The following CDH13 variants were observed in gnomAD, a reference collection of about 807,000 sequenced individuals.
The protein encoded by CDH13 is cadherin 13.
Under a neutral mutation model 63.8 loss-of-function variants are expected in CDH13, and 24 were observed. The observed-to-expected ratio is 0.38, with a 90% CI of 0.27 to 0.53. The LOEUF (loss-of-function observed/expected upper bound fraction) is 0.53. Among genes scored for constraint, CDH13 ranks in the 20% least tolerant of loss-of-function variants. The pLI, the probability that CDH13 is intolerant of heterozygous loss-of-function variation, is 0.85. For synonymous variants in CDH13, 503 were observed against 355.3 expected, an observed-to-expected ratio of 1.42 and a Z score of -4.67; for missense variants, 1,049 against 903.1, an observed-to-expected ratio of 1.16 and a Z score of -2.07.
chr16:83,044,515 G>C (rs530099182), intron 3 of CDH13, among the ~76,000 whole-genome samples: 1 of 152,296 alleles, frequency 6.6e-6, no homozygotes, highest in East Asian at 1.9e-4. Context: ...TGTGGAAACA[G>C]CACGAGGTGT....
At chr16:82,674,110 A>G (rs1433207146) in intron 1 of CDH13, among the ~76,000 whole-genome samples, 2 of 152,154 alleles carry the variant, frequency 1.3e-5, no homozygotes, top group African/African-American at 4.8e-5. Context: ...GCAGTCTTGA[A>G]ATTCTTGATA....
intron 6 of CDH13, among the ~76,000 whole-genome samples, chr16:83,414,537 T>C (rs2092172474): frequency 2.6e-5 from 4 of 152,188 alleles, no homozygotes; most frequent in African/African-American, 9.6e-5. Context: ...TCTTGTTTAA[T>C]TGAAACTTTA....
At chr16:82,867,127 A>C (rs895699655) in intron 2 of CDH13, among the ~76,000 whole-genome samples, 4 of 152,204 alleles carry the variant, frequency 2.6e-5, no homozygotes, top group African/African-American at 9.6e-5. Context: ...AGGTACTCTC[A>C]TCTGCCCATT....
intron 4 of CDH13, among the ~76,000 whole-genome samples, chr16:83,202,239 G>T (rs1411302985): frequency 2.6e-5 from 4 of 152,146 alleles, no homozygotes; most frequent in Non-Finnish European, 5.9e-5. Flanking sequence ...GGCAGCCCGG[G>T]ACTGACATAG....
intron 11 of CDH13, among the ~76,000 whole-genome samples, chr16:83,770,320 T>A (rs541051491): frequency 6.6e-6 from 1 of 152,324 alleles, no homozygotes; most frequent in South Asian, 2.1e-4. Flanking sequence ...CTGGCTCTTA[T>A]GGACGGGGAA....
At chr16:83,518,160 T>C (rs192034381) in intron 7 of CDH13, among the ~76,000 whole-genome samples, 2 of 103,304 alleles carry the variant, frequency 1.9e-5, no homozygotes, top group Non-Finnish European at 3.9e-5. Flanking sequence ...GTTTTGTTTT[T>C]TTGAGATGGA....
At chr16:82,867,819 A>C (rs902042930) in intron 2 of CDH13, among the ~76,000 whole-genome samples, 1 of 152,224 alleles carries the variant, frequency 6.6e-6, no homozygotes, top group Non-Finnish European at 1.5e-5. Context: ...TGTGGATAGT[A>C]ATAAATGGAT....
rs953972105 is a variant in CDH13 at position 82,644,310 on chromosome 16, GC to G, written c.45+17179del. ...AGTGCTCATCACTCTGCAAATCAAGGCCCCCCGAACTCCTCCCACCCCTGCC... is the reference window on the plus strand; with the variant it reads ...AGTGCTCATCACTCTGCAAATCAAGGCCCCCGAACTCCTCCCACCCCTGCC... On this transcript the variant is annotated intron_variant, in intron 1 of 13. Coordinates refer to ENST00000567109, the MANE Select transcript of CDH13 (RefSeq NM_001257.5). This position sits in a 1 kb window ranked among gnomAD's most constrained non-coding sequence, Gnocchi z 5.7. Among the ~76,000 whole-genome samples the G allele has an allele frequency of 2.6e-5, 4 of 151,904 alleles. No homozygotes were observed. The highest frequency in any genetic ancestry group is 1.9e-4 in the East Asian group (1 of 5,168).
At chr16:82,919,560 A>G (rs1271835214) in intron 2 of CDH13, among the ~76,000 whole-genome samples, 1 of 152,226 alleles carries the variant, frequency 6.6e-6, no homozygotes, top group Non-Finnish European at 1.5e-5. Context: ...CTATGGCTGC[A>G]TAATACTCCA....
At chr16:83,582,333 T>C (rs1027965976) in intron 7 of CDH13, among the ~76,000 whole-genome samples, 1 of 152,074 alleles carries the variant, frequency 6.6e-6, no homozygotes, top group Non-Finnish European at 1.5e-5. Flanking sequence ...TGAAAAAATA[T>C]GTATGTTTTA....
At chr16:83,320,533 C>T (rs1009749877) in intron 5 of CDH13, among the ~76,000 whole-genome samples, 1 of 152,116 alleles carries the variant, frequency 6.6e-6, no homozygotes, top group African/African-American at 2.4e-5. Context: ...ATCAGATAAT[C>T]GTCTAAAAAT....
chr16:83,117,519 C>A (rs2035363549), intron 3 of CDH13, among the ~76,000 whole-genome samples: 1 of 152,104 alleles, frequency 6.6e-6, no homozygotes, highest in African/African-American at 2.4e-5. Context: ...CATATGTGTT[C>A]TCTTTCCCTT....
chr16:82,886,366 C>T (rs1164650502), intron 2 of CDH13, among the ~76,000 whole-genome samples: 2 of 152,122 alleles, frequency 1.3e-5, no homozygotes, highest in East Asian at 1.9e-4. Flanking sequence ...TTTTGATGGC[C>T]AGGTTTTCTG....
chr16:82,978,606 G>C (rs183711235), intron 2 of CDH13, among the ~76,000 whole-genome samples: 1 of 152,358 alleles, frequency 6.6e-6, no homozygotes, highest in East Asian at 1.9e-4. Flanking sequence ...AGCCTTGGCA[G>C]CTTCCACATA....
intron 2 of CDH13, among the ~76,000 whole-genome samples, chr16:82,868,589 G>A (rs899775322): frequency 6.6e-6 from 1 of 152,150 alleles, no homozygotes; most frequent in Non-Finnish European, 1.5e-5. Context: ...CTTCTCAGAC[G>A]AGGAACATGA....
Position 83,004,185 on chromosome 16 carries a change from C to T in CDH13, c.158-27825C>T, listed in dbSNP as rs114874000. Among the ~76,000 whole-genome samples, 241 of 152,250 alleles carry T rather than the reference C, an allele frequency of 1.6e-3. 1 individual carries two copies. The highest frequency in any genetic ancestry group is 5.2e-3 in the African/African-American group (217 of 41,550). On this transcript the variant is annotated intron_variant, in intron 2 of 13. Transcript: ENST00000567109. Reference sequence around the variant, plus strand: ...GGCCAGCTGAATCCCATTCCTTATACCGTGAGTATCTGTGTTCCCTTGCAG... The same window carrying T: ...GGCCAGCTGAATCCCATTCCTTATATCGTGAGTATCTGTGTTCCCTTGCAG...
intron 6 of CDH13, among the ~76,000 whole-genome samples, chr16:83,351,675 G>C (rs1357967057): frequency 6.6e-6 from 1 of 152,118 alleles, no homozygotes; most frequent in Non-Finnish European, 1.5e-5. Flanking sequence ...CATCAATTCT[G>C]CAGAAGAGAG....
At chr16:82,898,692 G>T (rs1218547783) in intron 2 of CDH13, among the ~76,000 whole-genome samples, 1 of 152,164 alleles carries the variant, frequency 6.6e-6, no homozygotes, top group African/African-American at 2.4e-5. Context: ...CCTGGGCCTT[G>T]ATGAGAGCAC....
intron 7 of CDH13, among the ~76,000 whole-genome samples, chr16:83,505,989 T>C (rs1387379): frequency 0.71 from 108,388 of 152,028 alleles, 39,764 homozygotes; most frequent in East Asian, 0.89. Flanking sequence ...TCACAGGGAG[T>C]ATTTACTTTC....
Sources: allele counts gnomAD v4.1 joint callset (sites outside exome capture counted in the v4.1 genomes callset), GRCh38; gene constraint gnomAD v4.1.1; non-coding constraint Gnocchi (gnomAD v3.1); transcripts MANE v1.5; gene names NCBI Gene and HGNC (gene_info 2026-07-23, HGNC 2026-07-21).